PGPEP1L: variants seen among roughly 807,000 people sequenced by gnomAD.
The protein encoded by PGPEP1L is pyroglutamyl-peptidase I like.
In PGPEP1L, 7 loss-of-function variants were observed where a neutral mutation model predicts 6.0. The ratio of observed to expected loss-of-function variants is 1.17; its 90% CI spans 0.66 to 2.19. The LOEUF (loss-of-function observed/expected upper bound fraction) is 2.19, where lower values mean the gene tolerates loss of function less well. Ranked by LOEUF, PGPEP1L falls within the 30% of genes most tolerant of loss-of-function variation. The pLI is 0.00. For synonymous variants in PGPEP1L, 103 were observed against 83.9 expected (o/e 1.23, Z -1.24); for missense variants, 209 against 192.5 (o/e 1.09, Z -0.51).
At chr15:99,000,739 CAAAATGGACCAATCAGTTCTCTGT>C (rs1291989360) in intron 2 of PGPEP1L, among the ~76,000 whole-genome samples, 9 of 152,124 alleles carry the variant, frequency 5.9e-5, no homozygotes, top group East Asian at 1.9e-4. Context: ...AGCACCCTGT[CAAAATGGACCAATCAGTTCTCTGT>C]AAAATGGACC....
chr15:99,001,201 G>A lies in PGPEP1L; in HGVS notation c.-142+4228C>T, dbSNP rs1377302311. 3 of 414,900 alleles carry A rather than the reference G, an allele frequency of 7.2e-6. No homozygotes were observed. In the East Asian group the frequency reaches 2.8e-4, roughly 39 times the overall value. 25.7% of individuals were successfully genotyped at this position (414,900 alleles called of 1,614,324 possible). ...GTAACACTCACCACGAGAGTCCGCG[G>A]CTTCATTCTTGAAGTCAGTGAGACC... On this transcript the variant is annotated intron_variant, in intron 2 of 4. Coordinates refer to ENST00000535714, the MANE Select transcript of PGPEP1L (RefSeq NM_001167902.2).
At position 98,968,246 on chromosome 15, in the gene PGPEP1L, T is replaced by A. The variant is rs1475870824; in HGVS notation, c.*232A>T. Reference sequence around the variant, plus strand: ...AAAACAGATGACTCGGATTTCATTTTATTGTCATGAAAACCATAACTGAAG... The same window carrying A: ...AAAACAGATGACTCGGATTTCATTTAATTGTCATGAAAACCATAACTGAAG... On this transcript the variant is annotated 3_prime_UTR_variant, in exon 5 of 5. Coordinates refer to ENST00000535714, the MANE Select transcript of PGPEP1L (RefSeq NM_001167902.2). The A allele has an allele frequency of 1.8e-6, 1 of 557,522 alleles. No homozygotes were observed. Among genetic ancestry groups the A allele is most frequent in the Non-Finnish European group, 3.2e-6 (1 of 311,966 alleles). 34.5% of individuals were successfully genotyped at this position (557,522 alleles called of 1,614,324 possible).
chr15:99,001,937 C>G (rs535773712), intron 2 of PGPEP1L, among the ~76,000 whole-genome samples: 1 of 152,096 alleles, frequency 6.6e-6, no homozygotes. Flanking sequence ...AGGCTGGTCT[C>G]GAACTCCTGC....
At chr15:98,986,082 C>A (rs968006164) in intron 2 of PGPEP1L, among the ~76,000 whole-genome samples, 1 of 152,164 alleles carries the variant, frequency 6.6e-6, no homozygotes, top group Non-Finnish European at 1.5e-5. Flanking sequence ...GTTTATGGAC[C>A]ATGTCCTCTC....
intron 3 of PGPEP1L, among the ~76,000 whole-genome samples, chr15:98,970,048 T>C (rs191384199): frequency 3.9e-5 from 6 of 152,220 alleles, no homozygotes; most frequent in Admixed American, 3.9e-4. Context: ...ATTTTATTTA[T>C]GTATTTATTT....
At chr15:98,998,000 G>T in intron 2 of PGPEP1L, 1 of 152,558 alleles carries the variant, frequency 6.6e-6, no homozygotes. Context: ...TTTTCCCCCT[G>T]CCCCTGCGGA....
At chr15:98,972,535 A>G (rs1257986488) in intron 2 of PGPEP1L, among the ~76,000 whole-genome samples, 2 of 152,104 alleles carry the variant, frequency 1.3e-5, no homozygotes, top group Admixed American at 1.3e-4. Context: ...CCTGCCTATC[A>G]ATCATAACCT....
At chr15:99,002,495 C>T (rs1446929928) in intron 2 of PGPEP1L, among the ~76,000 whole-genome samples, 1 of 152,054 alleles carries the variant, frequency 6.6e-6, no homozygotes, top group East Asian at 1.9e-4. Flanking sequence ...TACACACACA[C>T]ACGCACACAT....
At chr15:99,004,958 G>T (rs2018028399) in intron 2 of PGPEP1L, among the ~76,000 whole-genome samples, 1 of 152,016 alleles carries the variant, frequency 6.6e-6, no homozygotes. Flanking sequence ...TGGAAGTGGG[G>T]ACTGTGTGTT....
chr15:98,985,853 C>A (rs1472729226), intron 2 of PGPEP1L, among the ~76,000 whole-genome samples: 1 of 152,244 alleles, frequency 6.6e-6, no homozygotes, highest in Admixed American at 6.5e-5. Flanking sequence ...TTTATTCCAG[C>A]TTTTCAGAAG....
chr15:99,001,708 G>T (rs1328555753), intron 2 of PGPEP1L, among the ~76,000 whole-genome samples: 1 of 139,962 alleles, frequency 7.1e-6, no homozygotes, highest in Non-Finnish European at 1.6e-5. Flanking sequence ...ATATATTTGT[G>T]TTTTTTATTT....
intron 2 of PGPEP1L, among the ~76,000 whole-genome samples, chr15:98,988,967 C>T (rs1377272903): frequency 1.3e-5 from 2 of 152,094 alleles, no homozygotes; most frequent in Non-Finnish European, 2.9e-5. Flanking sequence ...ACACAGAAAC[C>T]CCATTTGAAG....
chr15:98,980,057 G>A (rs1226529898), intron 2 of PGPEP1L, among the ~76,000 whole-genome samples: 1 of 152,126 alleles, frequency 6.6e-6, no homozygotes. Context: ...GCAGGTGAGG[G>A]ATGAAAGACT....
chr15:98,983,240 G>C (rs1396522145), intron 2 of PGPEP1L, among the ~76,000 whole-genome samples: 1 of 151,790 alleles, frequency 6.6e-6, no homozygotes, highest in Non-Finnish European at 1.5e-5. Context: ...CCCTGAACAG[G>C]ACTCAGCTTT....
intron 2 of PGPEP1L, among the ~76,000 whole-genome samples, chr15:99,003,381 A>G (rs1335587864): frequency 6.6e-6 from 1 of 151,232 alleles, no homozygotes; most frequent in Non-Finnish European, 1.5e-5. Context: ...GAAGGTTTGA[A>G]GCTCTTGTGT....
intron 2 of PGPEP1L, among the ~76,000 whole-genome samples, chr15:99,002,750 A>G (rs1256672385): frequency 6.6e-6 from 1 of 152,198 alleles, no homozygotes; most frequent in African/African-American, 2.4e-5. Context: ...AGTGGGCTGC[A>G]GATACAAGTG....
intron 2 of PGPEP1L, among the ~76,000 whole-genome samples, chr15:99,002,664 T>C (rs2151767132): frequency 6.6e-6 from 1 of 152,208 alleles, no homozygotes; most frequent in East Asian, 1.9e-4. Context: ...TAAAAAGTTT[T>C]AAAAAGTGTG....
intron 2 of PGPEP1L, among the ~76,000 whole-genome samples, chr15:98,978,228 G>A (rs1283833788): frequency 2.0e-5 from 3 of 152,236 alleles, no homozygotes; most frequent in African/African-American, 7.2e-5. Flanking sequence ...TGATGAAAGA[G>A]AAGGCGCTGT....
At chr15:98,987,330 T>C (rs1037481278) in intron 2 of PGPEP1L, among the ~76,000 whole-genome samples, 2 of 152,134 alleles carry the variant, frequency 1.3e-5, no homozygotes, top group Admixed American at 6.5e-5. Flanking sequence ...AAAGGCCAGA[T>C]AGTCTCTCCT....
Sources: allele counts gnomAD v4.1 joint callset (sites outside exome capture counted in the v4.1 genomes callset), GRCh38; gene constraint gnomAD v4.1.1; transcripts MANE v1.5; gene names NCBI Gene and HGNC (gene_info 2026-07-23, HGNC 2026-07-21).